Variants in DNAJC25 observed in about 807,000 individuals in gnomAD.
DNAJC25 encodes the protein dnaJ homolog subfamily C member 25.
Under a neutral mutation model 42.1 loss-of-function variants are expected in DNAJC25, and 26 were observed. That is an observed-to-expected ratio of 0.62 (90% CI 0.45 to 0.86). The LOEUF (loss-of-function observed/expected upper bound fraction) is 0.86. Among genes scored for constraint, DNAJC25 ranks in the 40% least tolerant of loss-of-function variants. The pLI, the probability that DNAJC25 is intolerant of heterozygous loss-of-function variation, is 0.00. For missense variants in DNAJC25, 404 were observed against 459.4 expected, an observed-to-expected ratio of 0.88 and a Z score of 1.10; for synonymous variants, 189 against 179.9, an observed-to-expected ratio of 1.05 and a Z score of -0.40.
chr9:111,638,111 C>A (rs1830390607), intron 1 of DNAJC25, among the ~76,000 whole-genome samples: 1 of 152,208 alleles, frequency 6.6e-6, no homozygotes, highest in Non-Finnish European at 1.5e-5. Flanking sequence ...TGTCTGAAAT[C>A]AGTCTTATCT....
intron 1 of DNAJC25, among the ~76,000 whole-genome samples, chr9:111,632,751 G>A (rs1830305392): frequency 6.7e-6 from 1 of 149,278 alleles, no homozygotes; most frequent in Admixed American, 6.7e-5. Context: ...TTTAATGATT[G>A]TACTTTGAGT....
At chr9:111,638,854 T>A (rs1181909468) in intron 1 of DNAJC25, among the ~76,000 whole-genome samples, 2 of 151,792 alleles carry the variant, frequency 1.3e-5, no homozygotes, top group Admixed American at 1.3e-4. Flanking sequence ...GTTGATAACA[T>A]CCTAACTCTT....
At chr9:111,639,916 C>G (rs147077406) in intron 1 of DNAJC25, among the ~76,000 whole-genome samples, 10,397 of 139,132 alleles carry the variant, frequency 0.075, 1,201 homozygotes, top group African/African-American at 0.27. Flanking sequence ...CTCCCTCTCC[C>G]TCTCCCTCTC....
chr9:111,634,482 G>A (rs1000810321), intron 1 of DNAJC25, among the ~76,000 whole-genome samples: 1 of 152,144 alleles, frequency 6.6e-6, no homozygotes. Context: ...TGTATCCTCC[G>A]GCTGTAAAAA....
chr9:111,631,651 C>T lies in DNAJC25; in HGVS notation c.244C>T (p.Arg82Trp), dbSNP rs1830280443. The change falls in exon 1 of 4, where the codon CGG (arginine) becomes TGG (tryptophan). Residue 82 changes from arginine (R) to tryptophan (W), a missense_variant. Physicochemically the swap from Arg to Trp is moderately radical, Grantham distance 101. Coordinates refer to ENST00000313525, the MANE Select transcript of DNAJC25 (RefSeq NM_001015882.3). ...LARRYHPDRY[R>W]PQPGDEGPGR... ...CCGGCGCTACCACCCTGACCGCTAC[C>T]GGCCCCAGCCCGGAGACGAGGGCCC... The T allele has an allele frequency of 1.3e-6, 2 of 1,517,686 alleles. No individual in the cohort carries two copies. Among genetic ancestry groups the T allele is most frequent in the African/African-American group, 1.4e-5 (1 of 70,044 alleles). The allele number at this position is 1,517,686 out of a possible 1,614,324, so 94.0% of individuals were successfully genotyped here.
In DNAJC25 at chr9:111,649,582, A is replaced by C. The variant is rs1273284666; in HGVS notation, c.619A>C (p.Asn207His). 1.9e-6 allele frequency: 3 copies of C among 1,614,170 alleles called. No individual in the cohort carries two copies. The highest frequency in any genetic ancestry group is 1.7e-5 in the Admixed American group (1 of 60,024). The change falls in exon 3 of 4, where the codon AAC (asparagine) becomes CAC (histidine). Residue 207 changes from asparagine to histidine, a missense_variant. By Grantham distance (68) the Asn-to-His change is moderately conservative. Coordinates refer to ENST00000313525, the MANE Select transcript of DNAJC25 (RefSeq NM_001015882.3). ...LLKKAKEKGK[N>H]KKSKEEIRDE... ...CAAAAAAGCCAAAGAAAAAGGCAAA[A>C]ACAAAAAGTCCAAAGAAGAAATTCG...
chr9:111,632,252 G>C (rs568310339), intron 1 of DNAJC25, among the ~76,000 whole-genome samples: 3 of 152,360 alleles, frequency 2.0e-5, no homozygotes, highest in African/African-American at 7.2e-5. Context: ...GGCTGGATGT[G>C]AGTCTTTGCT....
intron 1 of DNAJC25, among the ~76,000 whole-genome samples, chr9:111,641,730 C>T (rs1830473214): frequency 1.6e-5 from 2 of 124,362 alleles, no homozygotes; most frequent in East Asian, 2.9e-4. Context: ...AGGTGAGGGG[C>T]GCCTCTGCCC....
At chr9:111,640,368 C>T (rs6477835) in intron 1 of DNAJC25, among the ~76,000 whole-genome samples, 206 of 141,512 alleles carry the variant, frequency 1.5e-3, no homozygotes, top group Middle Eastern at 3.7e-3. Flanking sequence ...AAGTGAGGAG[C>T]GTCTCTGCCT....
chr9:111,631,748 G>T lies in DNAJC25; in HGVS notation c.336+5G>T. The T allele has an allele frequency of 6.6e-7, 1 of 1,509,206 alleles. No homozygotes were observed. Among genetic ancestry groups the T allele is most frequent in the South Asian group, 1.2e-5 (1 of 82,986 alleles). 93.5% of individuals were successfully genotyped at this position (1,509,206 alleles called of 1,614,324 possible). A position where few individuals can be genotyped will look rare whatever the true frequency, so the allele number is the denominator to read the frequency against. ...ACCGCCTACGAGACACTCAAGGTGA[G>T]GCCTGCGGGCGTGGAGGGGCTTCGA... is the stretch of plus-strand genomic sequence containing the variant. On this transcript the variant is annotated splice_donor_5th_base_variant and intron_variant, in intron 1 of 3. Coordinates refer to ENST00000313525, the MANE Select transcript of DNAJC25 (RefSeq NM_001015882.3).
intron 1 of DNAJC25, among the ~76,000 whole-genome samples, chr9:111,632,873 G>A (rs1830307767): frequency 6.6e-6 from 1 of 152,126 alleles, no homozygotes; most frequent in Non-Finnish European, 1.5e-5. Flanking sequence ...ATAATTTGGA[G>A]TCATAAAATG....
chr9:111,643,906 G>A lies in DNAJC25; in HGVS notation c.337-3201G>A, dbSNP rs539342278. On this transcript the variant is annotated intron_variant, in intron 1 of 3. Coordinates refer to ENST00000313525, the MANE Select transcript of DNAJC25 (RefSeq NM_001015882.3). ...TCTTACTAGGTTGATTCTAAACTTT[G>A]TAGGTTACTAAAGAGCAGAATTTTG... 2.0e-5 allele frequency among the ~76,000 whole-genome samples: 3 copies of A among 152,224 alleles called. No homozygotes were observed. The South Asian group carries it at 6.2e-4, about 32-fold the overall frequency.
At chr9:111,641,236 G>A (rs1830456087) in intron 1 of DNAJC25, among the ~76,000 whole-genome samples, 1 of 143,496 alleles carries the variant, frequency 7.0e-6, no homozygotes, top group East Asian at 2.2e-4. Context: ...GGGGGGGTCA[G>A]CCCTCCCCCC....
intron 1 of DNAJC25, among the ~76,000 whole-genome samples, chr9:111,644,262 C>T (rs1161045373): frequency 6.6e-6 from 1 of 152,066 alleles, no homozygotes; most frequent in African/African-American, 2.4e-5. Context: ...CATTAGGGGA[C>T]CTTGAACAGA....
At chr9:111,636,002 A>C (rs530576606) in intron 1 of DNAJC25, among the ~76,000 whole-genome samples, 5 of 152,272 alleles carry the variant, frequency 3.3e-5, no homozygotes, top group African/African-American at 9.6e-5. Flanking sequence ...GGAGGAGACC[A>C]TAACAAAGGA....
intron 1 of DNAJC25, among the ~76,000 whole-genome samples, chr9:111,638,458 C>T (rs1314640989): frequency 6.6e-6 from 1 of 152,176 alleles, no homozygotes; most frequent in East Asian, 1.9e-4. Context: ...AAGGTGCACT[C>T]CTCTGCAGGA....
intron 3 of DNAJC25, 44 bp from the exon 4 acceptor site, chr9:111,653,056 T>C (rs754800478): frequency 6.7e-7 from 1 of 1,494,248 alleles, no homozygotes; most frequent in Middle Eastern, 1.8e-4. Context: ...ATGGCAAATG[T>C]TCCTCTTTGG....
chr9:111,647,914 G>T (rs977513510), intron 2 of DNAJC25, among the ~76,000 whole-genome samples: 1 of 152,160 alleles, frequency 6.6e-6, no homozygotes, highest in African/African-American at 2.4e-5. Context: ...GAGTAGCTGG[G>T]ACTACAGGCG....
intron 1 of DNAJC25, among the ~76,000 whole-genome samples, chr9:111,638,247 TGAAAGA>T (rs1175850442): frequency 2.0e-5 from 3 of 152,186 alleles, no homozygotes; most frequent in Non-Finnish European, 4.4e-5. Context: ...TAAAACTAGT[TGAAAGA>T]GAAAAAGTGC....
Sources: allele counts gnomAD v4.1 joint callset (sites outside exome capture counted in the v4.1 genomes callset), GRCh38; gene constraint gnomAD v4.1.1; transcripts MANE v1.5; gene names NCBI Gene and HGNC (gene_info 2026-07-23, HGNC 2026-07-21).